Variants in MAT1A observed in about 807,000 individuals in gnomAD.
MAT1A encodes methionine adenosyltransferase 1A.
A neutral mutation model predicts 44.0 loss-of-function variants in MAT1A; 19 were observed. The ratio of observed to expected loss-of-function variants is 0.43; its 90% confidence interval spans 0.30 to 0.63. MAT1A has a LOEUF of 0.63. MAT1A is among the 30% of genes least tolerant of loss of function. MAT1A has a pLI of 0.12. For synonymous variants in MAT1A, 205 were observed against 205.6 expected, an observed-to-expected ratio of 1.00 and a Z score of 0.03; for missense variants, 397 against 531.0, an observed-to-expected ratio of 0.75 and a Z score of 2.48.
rs200462189 is a variant in MAT1A at position 80,284,050 on chromosome 10, C to T, written c.170-12G>A. On this transcript the variant is annotated splice_polypyrimidine_tract_variant and intron_variant, in intron 2 of 8. Coordinates refer to ENST00000372213, the MANE Select transcript of MAT1A (RefSeq NM_000429.3). ...CTTGCACACTGTCTCTGAAAGGGAG[C>T]GGGGAGCGAGGAGAGTTAGCAGCCA... The T allele has an allele frequency of 2.3e-4, 365 of 1,613,506 alleles. No homozygotes were observed. The highest frequency in any genetic ancestry group is 7.6e-4 in the African/African-American group (57 of 75,004).
intron 7 of MAT1A, among the ~76,000 whole-genome samples, 163 bp downstream of exon 7, chr10:80,274,854 C>T (rs530459628): frequency 6.6e-5 from 10 of 152,330 alleles, no homozygotes; most frequent in African/African-American, 2.2e-4. Flanking sequence ...TTTCCCTCCC[C>T]TAGGTTTTCA....
In MAT1A at chr10:80,275,294, G is replaced by A. The variant is rs140161083; in HGVS notation, c.769-95C>T. The stretch of plus-strand genomic sequence containing the variant: ...GTGATGGCAGCTGAACTGCAACTCA[G>A]GAAGGATGTCCTGGGGCTGCCCACA... On this transcript the variant is annotated intron_variant, in intron 6 of 8. Coordinates refer to ENST00000372213, the MANE Select transcript of MAT1A (RefSeq NM_000429.3). 309 of 1,132,336 alleles carry A rather than the reference G, an allele frequency of 2.7e-4. No homozygotes were observed. In the East Asian group the frequency reaches 7.6e-3, roughly 28 times the overall value. 70.1% of individuals were successfully genotyped at this position (1,132,336 alleles called of 1,614,324 possible).
At chr10:80,277,129 T>C (rs1404409908) in intron 5 of MAT1A, among the ~76,000 whole-genome samples, 1 of 152,240 alleles carries the variant, frequency 6.6e-6, no homozygotes, top group East Asian at 1.9e-4. Flanking sequence ...CTCAAGACCC[T>C]GTGCTGGCCA....
intron 4 of MAT1A, 74 bp downstream of exon 4, chr10:80,280,606 G>T (rs1212946425): frequency 3.8e-6 from 5 of 1,304,428 alleles, no homozygotes; most frequent in Non-Finnish European, 4.5e-6. Context: ...CCACCCCTCA[G>T]TGTGATTAAC....
chr10:80,276,664 A>G, intron 5 of MAT1A, 70 bp from the exon 6 acceptor site: 1 of 1,508,130 alleles, frequency 6.6e-7, no homozygotes, highest in Non-Finnish European at 9.1e-7. Flanking sequence ...GTGGCCAGAC[A>G]CAGGCACCCA....
chr10:80,289,572 C>T lies in MAT1A; in HGVS notation c.-149G>A, dbSNP rs937564213. On this transcript the variant is annotated 5_prime_UTR_variant, in exon 1 of 9. Transcript: ENST00000372213. ...ACGGGGATCACTTCTGCCTAACTGC[C>T]TGTGAGCACGTGAGAACAGGCGAGG... The T allele has an allele frequency of 1.6e-5, 11 of 701,750 alleles. No homozygotes were observed. In the East Asian group the frequency reaches 3.0e-4, roughly 19 times the overall value. 43.5% of individuals were successfully genotyped at this position (701,750 alleles called of 1,614,324 possible). A position where few individuals can be genotyped will look rare whatever the true frequency, so the allele number is the denominator to read the frequency against.
At chr10:80,273,992 G>T in intron 8 of MAT1A, 109 bp from the exon 9 acceptor site, 1 of 814,564 alleles carries the variant, frequency 1.2e-6, no homozygotes, top group Non-Finnish European at 2.2e-6. Context: ...AGCCCTCCTC[G>T]CATGGCACTA....
At chr10:80,284,427 C>G (rs1365698945) in intron 2 of MAT1A, among the ~76,000 whole-genome samples, 2 of 152,216 alleles carry the variant, frequency 1.3e-5, no homozygotes, top group African/African-American at 2.4e-5. Flanking sequence ...ATTGCTAAAC[C>G]TCCACTGCAG....
At chr10:80,284,475 G>A (rs1290948614) in intron 2 of MAT1A, among the ~76,000 whole-genome samples, 3 of 152,142 alleles carry the variant, frequency 2.0e-5, no homozygotes, top group Non-Finnish European at 4.4e-5. Flanking sequence ...AAAAATCAAA[G>A]CAGGCCAACC....
Position 80,289,551 on chromosome 10 carries a change from G to A in MAT1A, c.-128C>T. The A allele has an allele frequency of 2.7e-6, 2 of 745,970 alleles. No homozygotes were observed. Among genetic ancestry groups the A allele is most frequent in the Non-Finnish European group, 4.8e-6 (2 of 419,308 alleles). The allele number at this position is 745,970 out of a possible 1,614,324, so 46.2% of individuals were successfully genotyped here. On this transcript the variant is annotated 5_prime_UTR_variant, in exon 1 of 9. Coordinates refer to ENST00000372213, the MANE Select transcript of MAT1A (RefSeq NM_000429.3). ...AGGCTTGTCTTTGGCAGAGCCACGGGGATCACTTCTGCCTAACTGCCTGTG... is the reference window on the plus strand; with the variant it reads ...AGGCTTGTCTTTGGCAGAGCCACGGAGATCACTTCTGCCTAACTGCCTGTG...
chr10:80,288,617 C>T (rs1007800819), intron 1 of MAT1A, among the ~76,000 whole-genome samples: 1 of 152,184 alleles, frequency 6.6e-6, no homozygotes, highest in Non-Finnish European at 1.5e-5. Context: ...GAGAACGTTA[C>T]TGAGTCCCCA....
rs770323371 is a variant in MAT1A, at chr10:80,284,021, C to T, written c.187G>A (p.Gly63Ser). ...KVACETVCKT[G>S]MVLLCGEITS... ...ATCTCACCACACAGCAGCACCATGC[C>T]GGTCTTGCACACTGTCTCTGAAAGG... The change falls in exon 3 of 9, where the codon GGC (glycine) becomes AGC (serine). Residue 63 changes from glycine to serine, a missense_variant. Transcript: ENST00000372213. The T allele has an allele frequency of 1.1e-5, 17 of 1,614,036 alleles. No homozygotes were observed. The highest frequency in any genetic ancestry group is 4.0e-5 in the African/African-American group (3 of 74,922).
intron 5 of MAT1A, 44 bp from the exon 6 acceptor site, chr10:80,276,638 G>T (rs1841489689): frequency 1.3e-6 from 2 of 1,589,382 alleles, no homozygotes; most frequent in Admixed American, 1.7e-5. Flanking sequence ...GGCTGAGGCT[G>T]AGCGAACGGC....
intron 1 of MAT1A, 70 bp downstream of exon 1, chr10:80,289,263 T>C: frequency 3.2e-6 from 4 of 1,254,812 alleles, no homozygotes; most frequent in Non-Finnish European, 4.7e-6. Flanking sequence ...ATTAAAACCA[T>C]TTGTAAGTGA....
In MAT1A at chr10:80,271,972, C is replaced by A. The variant is rs910096158; in HGVS notation, c.*1809G>T. 6.6e-6 allele frequency: 1 copy of A among 151,898 alleles called. No homozygotes were observed. Among genetic ancestry groups the A allele is most frequent in the Non-Finnish European group, 1.5e-5 (1 of 67,964 alleles). The allele number at this position is 151,898 out of a possible 1,614,324, so 9.4% of individuals were successfully genotyped here. A position where few individuals can be genotyped will look rare whatever the true frequency, so the allele number is the denominator to read the frequency against. Reference sequence around the variant, plus strand: ...CTGAATTTTCATGTCGAGTGTGAGCCAAGTTAGAGGAACTTGGCCACCTGC... The same window carrying A: ...CTGAATTTTCATGTCGAGTGTGAGCAAAGTTAGAGGAACTTGGCCACCTGC... On this transcript the variant is annotated 3_prime_UTR_variant, in exon 9 of 9. Transcript: ENST00000372213.
chr10:80,273,708 C>A lies in MAT1A; in HGVS notation c.*73G>T, dbSNP rs116371248. 2,212 of 1,090,882 alleles carry A rather than the reference C, an allele frequency of 2.0e-3. 36 individuals are homozygous for A. In the African/African-American group the frequency reaches 0.03, roughly 15 times the overall value. 67.6% of individuals were successfully genotyped at this position (1,090,882 alleles called of 1,614,324 possible). On this transcript the variant is annotated 3_prime_UTR_variant, in exon 9 of 9. Coordinates refer to ENST00000372213, the MANE Select transcript of MAT1A (RefSeq NM_000429.3). The stretch of plus-strand genomic sequence containing the variant: ...GGTGGGTGGGGAAGGCGATCAGCAG[C>A]CAGGCGTCTGGGGAAGAGGAGCATG...
rs543127491 is a variant in MAT1A at position 80,285,607 on chromosome 10, T to C, written c.92-18A>G. Reference sequence around the variant, plus strand: ...GATCTTATCTGGACAAGAGCAAATATGGGTCAGAATCACAAAAATATTCGG... The same window carrying C: ...GATCTTATCTGGACAAGAGCAAATACGGGTCAGAATCACAAAAATATTCGG... On this transcript the variant is annotated intron_variant, in intron 1 of 8. Coordinates refer to ENST00000372213, the MANE Select transcript of MAT1A (RefSeq NM_000429.3). The C allele has an allele frequency of 2.3e-5, 36 of 1,537,834 alleles. No individual in the cohort carries two copies. Among genetic ancestry groups the C allele is most frequent in the Middle Eastern group, 1.7e-4 (1 of 5,908 alleles).
Position 80,273,850 on chromosome 10 carries a change from C to A in MAT1A, c.1119G>T (p.Lys373Asn). 1 of 1,613,660 alleles carries A rather than the reference C, an allele frequency of 6.2e-7. No homozygotes were observed. Among genetic ancestry groups the A allele is most frequent in the Non-Finnish European group, 8.5e-7 (1 of 1,179,584 alleles). Residue 373 changes from lysine (K) to asparagine (N), a missense_variant, in exon 9 of 9, where the codon AAG becomes AAT. Lys to Asn is a moderately conservative substitution (Grantham distance 94). Coordinates refer to ENST00000372213, the MANE Select transcript of MAT1A (RefSeq NM_000429.3). Reference protein sequence around the residue: ...DLDLKKPIYQKTACYGHFGRS... With the variant: ...DLDLKKPIYQNTACYGHFGRS... ...TTCCGAAATGGCCGTAGCATGCTGT[C>A]TTCTGGTAGATGGGCTTCTTCAAGT...
Position 80,289,343 on chromosome 10 carries a change from C to G in MAT1A, c.81G>C (p.Glu27Asp), listed in dbSNP as rs745476170. The G allele has an allele frequency of 6.2e-7, 1 of 1,614,130 alleles. No individual in the cohort carries two copies. The highest frequency in any genetic ancestry group is 8.5e-7 in the Non-Finnish European group (1 of 1,179,986). ...VFMFTSESVG[E>D]GHPDKICDQI... ...AGACAGCCTACTTACCCGGGTGTCC[C>G]TCTCCCACAGACTCCGATGTGAACA... Residue 27 changes from glutamate to aspartate, a missense_variant, in exon 1 of 9, where the codon GAG becomes GAC. Transcript: ENST00000372213.
Sources: gnomAD v4.1 joint callset for allele counts (sites outside exome capture counted in the v4.1 genomes callset) on GRCh38, gnomAD v4.1.1 for gene constraint, MANE v1.5 for transcripts, NCBI Gene and HGNC (gene_info 2026-07-23, HGNC 2026-07-21) for gene names.